The following SDK1 variants were observed in gnomAD, a reference collection of about 807,000 sequenced individuals.
The protein encoded by SDK1 is sidekick cell adhesion molecule 1, also known as protein sidekick-1.
SDK1 carries 157 observed loss-of-function variants against 245.5 expected under a neutral mutation model. The observed-to-expected ratio is 0.64, with a 90% confidence interval of 0.56 to 0.73. The LOEUF (loss-of-function observed/expected upper bound fraction) is 0.73, where lower values mean the gene tolerates loss of function less well. Ranked by LOEUF, SDK1 falls within the 30% of genes least tolerant of loss-of-function variation. The probability of loss-of-function intolerance (pLI) is 0.00; values close to 1 mark genes in which losing one functional copy is unlikely to be tolerated. For missense variants in SDK1, 3,583 were observed against 3,002.3 expected (o/e 1.19, Z -4.52); for synonymous variants, 1,647 against 1,278.5 (o/e 1.29, Z -6.15).
chr7:4,147,653 C>G (rs911658339), intron 29 of SDK1, among the ~76,000 whole-genome samples: 2 of 152,044 alleles, frequency 1.3e-5, no homozygotes, highest in Non-Finnish European at 2.9e-5. Flanking sequence ...GGACGGAAGC[C>G]CTCAGTCGCC....
intron 1 of SDK1, among the ~76,000 whole-genome samples, chr7:3,379,305 T>A (rs1781427892): frequency 6.6e-6 from 1 of 152,070 alleles, no homozygotes; most frequent in Admixed American, 6.6e-5. Context: ...ACACACGTAG[T>A]TCTTGTTCTG....
At chr7:3,871,389 G>T (rs79736700) in intron 5 of SDK1, among the ~76,000 whole-genome samples, 7,793 of 152,126 alleles carry the variant, frequency 0.051, 636 homozygotes, top group African/African-American at 0.17. Context: ...TCTTCCTCTC[G>T]AATCTGTATT....
intron 4 of SDK1, among the ~76,000 whole-genome samples, chr7:3,768,323 C>T (rs1226530298): frequency 6.6e-6 from 1 of 152,048 alleles, no homozygotes; most frequent in Non-Finnish European, 1.5e-5. Flanking sequence ...GTGAAGGTCC[C>T]CAAAACTCAA....
intron 20 of SDK1, among the ~76,000 whole-genome samples, chr7:4,071,839 G>A (rs1780275788): frequency 6.6e-6 from 1 of 152,190 alleles, no homozygotes; most frequent in South Asian, 2.1e-4. Flanking sequence ...TCGCCTTTCA[G>A]GTCTGCAGTC....
rs192830557 is a variant in SDK1 at position 3,726,785 on chromosome 7, C to T, written c.713+84680C>T. ...ACCTTCCTGCAGAAGGGTGTCCAAA[C>T]TTCCTGGGCTTTATTCCTCTATTAA... On this transcript the variant is annotated intron_variant, in intron 4 of 44. Coordinates refer to ENST00000404826, the MANE Select transcript of SDK1 (RefSeq NM_152744.4). 2.2e-3 allele frequency among the ~76,000 whole-genome samples: 342 copies of T among 152,314 alleles called. 2 individuals carry two copies. The highest frequency in any genetic ancestry group is 3.5e-3 in the Admixed American group (54 of 15,296).
intron 14 of SDK1, among the ~76,000 whole-genome samples, chr7:4,003,800 C>G (rs1785252696): frequency 6.6e-6 from 1 of 152,236 alleles, no homozygotes; most frequent in Non-Finnish European, 1.5e-5. Flanking sequence ...TGCTTATACT[C>G]AGTGTCTAGA....
chr7:3,520,490 TAAAG>T (rs1304221843), intron 1 of SDK1, among the ~76,000 whole-genome samples: 7 of 152,206 alleles, frequency 4.6e-5, no homozygotes, highest in African/African-American at 1.2e-4. Context: ...TGAATCCTGT[TAAAG>T]AAAACCTTTG....
intron 1 of SDK1, among the ~76,000 whole-genome samples, chr7:3,453,300 AG>A (rs1384820296): frequency 6.6e-6 from 1 of 152,186 alleles, no homozygotes; most frequent in Non-Finnish European, 1.5e-5. Context: ...AGGGATGCAG[AG>A]CCCTGGTCCC....
At chr7:3,641,782 C>A (rs1231838418) in intron 3 of SDK1, among the ~76,000 whole-genome samples, 176 bp from the exon 4 acceptor site, 1 of 152,200 alleles carries the variant, frequency 6.6e-6, no homozygotes, top group African/African-American at 2.4e-5. Flanking sequence ...TTGCCCGGTG[C>A]TTCACTCGCA....
chr7:3,594,193 T>A (rs543472910), intron 1 of SDK1, among the ~76,000 whole-genome samples: 1 of 152,342 alleles, frequency 6.6e-6, no homozygotes, highest in East Asian at 1.9e-4. Context: ...TTTATATTAA[T>A]GTAATCATAC....
Position 3,434,220 on chromosome 7 carries a change from C to T in SDK1, c.298+132336C>T, listed in dbSNP as rs1390592691. Among the ~76,000 whole-genome samples the T allele has an allele frequency of 3.3e-5, 5 of 152,142 alleles. No individual in the cohort carries two copies. The South Asian group carries it at 8.3e-4, about 25-fold the overall frequency. On this transcript the variant is annotated intron_variant, in intron 1 of 44. Transcript: ENST00000404826. ...TCACTCTACCAGGCCAAAGAGTCAG[C>T]GTGATGGAGAGAAGATTAGGAAATC...
At chr7:4,016,847 C>T (rs187518616) in intron 16 of SDK1, among the ~76,000 whole-genome samples, 2 of 152,236 alleles carry the variant, frequency 1.3e-5, no homozygotes, top group African/African-American at 2.4e-5. Context: ...AGCAACTCCC[C>T]GATGGAAATC....
chr7:3,715,531 G>A (rs986650167), intron 4 of SDK1, among the ~76,000 whole-genome samples: 1 of 152,116 alleles, frequency 6.6e-6, no homozygotes, highest in Non-Finnish European at 1.5e-5. Context: ...TGTCCCACAG[G>A]AGGCAATAGC....
chr7:4,021,910 C>G (rs1479269543), intron 17 of SDK1, among the ~76,000 whole-genome samples: 1 of 152,198 alleles, frequency 6.6e-6, no homozygotes, highest in Non-Finnish European at 1.5e-5. Context: ...AGAATGAAAA[C>G]TGCAAAAGCA....
chr7:4,117,492 AT>A (rs2128193149), intron 25 of SDK1, among the ~76,000 whole-genome samples: 1 of 152,304 alleles, frequency 6.6e-6, no homozygotes, highest in South Asian at 2.1e-4. Flanking sequence ...AAATAAATGA[AT>A]TCATCAACAC....
rs1226283752 is a variant in SDK1, at chr7:4,114,121, G to A, written c.3670G>A (p.Ala1224Thr). The change falls in exon 25 of 45, where the codon GCA (alanine) becomes ACA (threonine). Residue 1224 changes from alanine to threonine, a missense_variant. Physicochemically the swap from Ala to Thr is moderately conservative, Grantham distance 58. Coordinates refer to ENST00000404826, the MANE Select transcript of SDK1 (RefSeq NM_152744.4). ...KYWRSDLQSS[A>T]VAQVVSDRLE... is the part of the protein sequence containing the mutation. ...CTGGCGCTCAGACCTCCAGTCCTCA[G>A]CAGTGGCCCAAGTCGTCAGTGACCG... The A allele has an allele frequency of 6.2e-6, 10 of 1,614,110 alleles. No homozygotes were observed. The highest frequency in any genetic ancestry group is 8.5e-6 in the Non-Finnish European group (10 of 1,180,044).
chr7:4,062,189 T>C (rs1562750025), intron 19 of SDK1, among the ~76,000 whole-genome samples: 1 of 152,006 alleles, frequency 6.6e-6, no homozygotes, highest in Non-Finnish European at 1.5e-5. Flanking sequence ...TTAGGGAAGA[T>C]ACACAAAATC....
chr7:4,128,937 CCCCTGGAGGAGAGCAGCTTGGGGT>C (rs1784584851), intron 26 of SDK1, among the ~76,000 whole-genome samples: 3 of 26,990 alleles, frequency 1.1e-4, no homozygotes, highest in African/African-American at 3.2e-4. Context: ...GGGGTGGGGT[CCCCTGGAGGAGAGCAGCTTGGGGT>C]GGGGTCCCCT....
rs577118071 is a variant in SDK1 at position 3,951,898 on chromosome 7, G to A, written c.1128G>A (p.Ala376=). Residue 376 remains alanine, a synonymous_variant, in exon 7 of 45, where the codon GCG becomes GCA. Transcript: ENST00000404826. ...GGAGCGCTTTTGAACCGGCCAGGGC[G>A]ACGGCCTTTCTTTTCATCATAGGTA... The part of the protein sequence containing the change: ...LPGSAFEPAR[A]TAFLFIIEPP... 89 of 1,612,958 alleles carry A rather than the reference G, an allele frequency of 5.5e-5. No individual in the cohort carries two copies. The South Asian group carries it at 7.4e-4, about 13-fold the overall frequency.
Sources: gnomAD v4.1 joint callset for allele counts (sites outside exome capture counted in the v4.1 genomes callset) on GRCh38, gnomAD v4.1.1 for gene constraint, MANE v1.5 for transcripts, NCBI Gene and HGNC (gene_info 2026-07-23, HGNC 2026-07-21) for gene names.